The following ATP2C1 variants were observed in gnomAD, a reference collection of about 807,000 sequenced individuals.
The protein encoded by ATP2C1 is calcium-transporting ATPase type 2C member 1.
In ATP2C1, 31 loss-of-function variants were observed where a neutral mutation model predicts 120.5. That is an observed-to-expected ratio of 0.26 (90% CI 0.19 to 0.35). The LOEUF is 0.35. ATP2C1 is among the 10% of genes least tolerant of loss of function. The probability of loss-of-function intolerance (pLI) is 1.00; values close to 1 mark genes in which losing one functional copy is unlikely to be tolerated. For missense variants in ATP2C1, 731 were observed against 1,107.5 expected (o/e 0.66, Z 4.83); for synonymous variants, 351 against 358.7 (o/e 0.98, Z 0.24).
At chr3:130,879,424 T>C (rs1183254532) in intron 1 of ATP2C1, among the ~76,000 whole-genome samples, 2 of 152,188 alleles carry the variant, frequency 1.3e-5, no homozygotes, top group African/African-American at 4.8e-5. Context: ...AATTTTTCAT[T>C]CAGATCCTGA....
At chr3:130,998,638 G>A (rs958229740) in intron 26 of ATP2C1, among the ~76,000 whole-genome samples, 6 of 152,140 alleles carry the variant, frequency 3.9e-5, no homozygotes, top group Admixed American at 2.0e-4. Flanking sequence ...TGTCATCTGC[G>A]TTTAGCTGGC....
chr3:130,956,049 A>G (rs2060567636), intron 10 of ATP2C1, 55 bp from the exon 11 acceptor site: 2 of 1,252,840 alleles, frequency 1.6e-6, no homozygotes, highest in African/African-American at 3.0e-5. Context: ...CTGGCACTTG[A>G]TAAAGCTTAG....
chr3:131,001,154 A>G (rs1257946458), intron 27 of ATP2C1, 66 bp from the exon 28 acceptor site: 4 of 1,198,818 alleles, frequency 3.3e-6, no homozygotes, highest in Middle Eastern at 2.0e-4. Context: ...AGAAAAATGT[A>G]AGCTATTAAG....
Position 130,999,679 on chromosome 3 carries a change from T to A in ATP2C1, c.2629+20T>A. On this transcript the variant is annotated intron_variant, in intron 27 of 27. Coordinates refer to ENST00000510168, the MANE Select transcript of ATP2C1 (RefSeq NM_001378687.1). ...TACTGGGTAAAGAAAACGTTATCTT[T>A]ATCATTTATGTATTTTAGATAAATC... 1 of 1,600,066 alleles carries A rather than the reference T, an allele frequency of 6.2e-7. No individual in the cohort carries two copies. The highest frequency in any genetic ancestry group is 1.1e-5 in the South Asian group (1 of 90,642).
chr3:130,905,218 GC>G (rs1345695833), intron 2 of ATP2C1, among the ~76,000 whole-genome samples: 1 of 151,994 alleles, frequency 6.6e-6, no homozygotes, highest in African/African-American at 2.4e-5. Context: ...AGTAGATAGA[GC>G]TAGCAGTGTA....
At chr3:130,913,988 A>G (rs915223636) in intron 2 of ATP2C1, among the ~76,000 whole-genome samples, 1 of 152,206 alleles carries the variant, frequency 6.6e-6, no homozygotes, top group Non-Finnish European at 1.5e-5. Context: ...TAAGTGAAGT[A>G]TTAGAAATAA....
At chr3:130,995,829 C>T (rs993609911) in intron 22 of ATP2C1, among the ~76,000 whole-genome samples, 5 of 151,982 alleles carry the variant, frequency 3.3e-5, no homozygotes, top group Admixed American at 1.3e-4. Flanking sequence ...TTAGTAGAGA[C>T]GGAGTTTCGC....
chr3:130,902,297 GTTTTTTT>G (rs398052267), intron 2 of ATP2C1, among the ~76,000 whole-genome samples: 12 of 13,250 alleles, frequency 9.1e-4, no homozygotes, highest in Admixed American at 2.9e-3. Flanking sequence ...TTTTTTTTTT[GTTTTTTT>G]TTTTTTTTTT....
At chr3:130,862,897 A>C (rs1452802397) in intron 1 of ATP2C1, among the ~76,000 whole-genome samples, 1 of 152,228 alleles carries the variant, frequency 6.6e-6, no homozygotes, top group Admixed American at 6.5e-5. Context: ...TGAAGGAGGG[A>C]TAGCCAGTAA....
chr3:130,934,465 G>T (rs930485455), intron 4 of ATP2C1, among the ~76,000 whole-genome samples, 157 bp from the exon 5 acceptor site: 1 of 150,594 alleles, frequency 6.6e-6, no homozygotes, highest in South Asian at 2.1e-4. Flanking sequence ...AAGTATAAAC[G>T]CTTTTTTTGT....
intron 2 of ATP2C1, among the ~76,000 whole-genome samples, chr3:130,913,516 C>T (rs963174060): frequency 1.3e-5 from 2 of 152,162 alleles, no homozygotes; most frequent in Non-Finnish European, 2.9e-5. Flanking sequence ...TTGTTGGCAT[C>T]AGAAGACTGT....
At chr3:130,893,907 C>G (rs1369760215), upstream of ATP2C1, 4 of 984,630 alleles carry the variant, frequency 4.1e-6, no homozygotes, top group Non-Finnish European at 4.8e-6. Flanking sequence ...GGGCCGAAGT[C>G]TCGGCCTTCA....
chr3:130,888,064 G>A (rs564952938), intron 1 of ATP2C1, among the ~76,000 whole-genome samples: 23 of 152,300 alleles, frequency 1.5e-4, no homozygotes, highest in African/African-American at 5.1e-4. Flanking sequence ...CCTGCCAGGT[G>A]TGGATCCTTC....
At chr3:130,967,955 C>A (rs977094753) in intron 16 of ATP2C1, among the ~76,000 whole-genome samples, 6 of 152,102 alleles carry the variant, frequency 3.9e-5, no homozygotes, top group African/African-American at 1.2e-4. Flanking sequence ...TCCCCTAAGT[C>A]CTATATTTGA....
chr3:130,863,506 A>G (rs2068078848), intron 1 of ATP2C1, among the ~76,000 whole-genome samples: 1 of 152,258 alleles, frequency 6.6e-6, no homozygotes. Context: ...CTAAAACATC[A>G]CTAAAGAAAG....
At chr3:130,892,267 T>TTATA, upstream of ATP2C1, among the ~76,000 whole-genome samples, 1 of 152,266 alleles carries the variant, frequency 6.6e-6, no homozygotes, top group East Asian at 1.9e-4. Context: ...TCAAAGTATT[T>TTATA]ATATTGTGTA....
chr3:130,974,444 A>G (rs1390113509), intron 17 of ATP2C1, among the ~76,000 whole-genome samples: 1 of 152,230 alleles, frequency 6.6e-6, no homozygotes, highest in Non-Finnish European at 1.5e-5. Context: ...TCCATTTGGA[A>G]GTGACACAAG....
At chr3:130,945,124 CCTG>C (rs2060089184) in intron 8 of ATP2C1, among the ~76,000 whole-genome samples, 1 of 152,066 alleles carries the variant, frequency 6.6e-6, no homozygotes, top group African/African-American at 2.4e-5. Flanking sequence ...CCAGCAGGAG[CCTG>C]AGAGGCACTG....
intron 2 of ATP2C1, among the ~76,000 whole-genome samples, chr3:130,912,396 C>A (rs1451575854): frequency 0.016 from 2,364 of 148,574 alleles, 68 homozygotes; most frequent in African/African-American, 0.058. Context: ...GAACTCAAAC[C>A]AATTTACAAG....
Sources: allele counts gnomAD v4.1 joint callset (sites outside exome capture counted in the v4.1 genomes callset), GRCh38; gene constraint gnomAD v4.1.1; transcripts MANE v1.5; gene names NCBI Gene and HGNC (gene_info 2026-07-23, HGNC 2026-07-21).